The following DSCAML1 variants were observed in gnomAD, a reference collection of about 807,000 sequenced individuals.
The protein encoded by DSCAML1 is DS cell adhesion molecule like 1.
Under a neutral mutation model 200.5 loss-of-function variants are expected in DSCAML1, and 38 were observed. That is an observed-to-expected ratio of 0.19 (90% CI 0.15 to 0.25). The LOEUF (loss-of-function observed/expected upper bound fraction) is 0.25, where lower values mean the gene tolerates loss of function less well. Ranked by LOEUF, DSCAML1 falls within the 10% of genes least tolerant of loss-of-function variation. The pLI is 1.00. For synonymous variants in DSCAML1, 1,215 were observed against 1,165.0 expected (o/e 1.04, Z -0.87); for missense variants, 2,223 against 2,858.8 (o/e 0.78, Z 5.07).
chr11:117,506,334 C>T (rs2049496804), intron 8 of DSCAML1, among the ~76,000 whole-genome samples: 1 of 152,114 alleles, frequency 6.6e-6, no homozygotes, highest in African/African-American at 2.4e-5. Flanking sequence ...ATGATCTCAC[C>T]AGATCCTCCT....
intron 20 of DSCAML1, 151 bp downstream of exon 20, chr11:117,450,398 C>A: frequency 9.0e-7 from 1 of 1,112,550 alleles, no homozygotes; most frequent in Non-Finnish European, 1.3e-6. Flanking sequence ...GCTTCGGCCA[C>A]TCTGGGTGGC....
chr11:117,694,095 T>TA (rs1291376522), intron 3 of DSCAML1, among the ~76,000 whole-genome samples: 30 of 110,346 alleles, frequency 2.7e-4, no homozygotes, highest in East Asian at 7.5e-4. Flanking sequence ...ATATATATAT[T>TA]TTTTAAATTG....
chr11:117,530,367 C>T (rs1201085552), intron 4 of DSCAML1, among the ~76,000 whole-genome samples: 1 of 152,080 alleles, frequency 6.6e-6, no homozygotes, highest in Non-Finnish European at 1.5e-5. Flanking sequence ...TGTGTCTTTC[C>T]CACATTGCAG....
chr11:117,435,687 G>T lies in DSCAML1; in HGVS notation c.4833C>A (p.Ile1611=). ...LATLGVALLF[I]VRKKRKEKRL... ...GTTTCTCCTTCCTCTTCTTGCGTAC[G>T]ATGAAGAGCAGTGCCACCCCCAGTG... The change falls in exon 27 of 33, where the codon ATC becomes ATA. Residue 1611 remains isoleucine, a synonymous_variant. Transcript: ENST00000651296. 2 of 1,609,562 alleles carry T rather than the reference G, an allele frequency of 1.2e-6. No individual in the cohort carries two copies. Among genetic ancestry groups the T allele is most frequent in the Non-Finnish European group, 1.7e-6 (2 of 1,176,338 alleles).
intron 11 of DSCAML1, among the ~76,000 whole-genome samples, chr11:117,484,229 G>A (rs961310789): frequency 6.6e-6 from 1 of 152,130 alleles, no homozygotes; most frequent in Non-Finnish European, 1.5e-5. Flanking sequence ...AAGAAATGAG[G>A]GGAGCCACAG....
intron 3 of DSCAML1, among the ~76,000 whole-genome samples, chr11:117,754,479 G>T (rs2054653223): frequency 6.6e-6 from 1 of 152,088 alleles, no homozygotes. Context: ...AGGGTGCAGT[G>T]GGGAAGCACA....
At chr11:117,639,424 A>ATGGGAAGCTGGATGGG (rs2052356646) in intron 3 of DSCAML1, among the ~76,000 whole-genome samples, 1 of 95,296 alleles carries the variant, frequency 1.0e-5, no homozygotes, top group East Asian at 3.3e-4. Flanking sequence ...GGCTGAATGG[A>ATGGGAAGCTGGATGGG]TGGGAAGCTG....
intron 3 of DSCAML1, among the ~76,000 whole-genome samples, chr11:117,578,896 C>T (rs73588613): frequency 0.015 from 2,285 of 152,250 alleles, 50 homozygotes; most frequent in African/African-American, 0.052. Flanking sequence ...GCACAGAAAA[C>T]TTAGCCTTAC....
At chr11:117,571,290 T>G (rs2050844193) in intron 3 of DSCAML1, among the ~76,000 whole-genome samples, 1 of 152,194 alleles carries the variant, frequency 6.6e-6, no homozygotes, top group Non-Finnish European at 1.5e-5. Flanking sequence ...TTGCTACAAT[T>G]TACTGAGCAG....
rs567658148 is a variant in DSCAML1, at chr11:117,814,109, C to T, written c.-250+3281G>A. Among the ~76,000 whole-genome samples the T allele has an allele frequency of 1.1e-4, 16 of 151,960 alleles. No homozygotes were observed. In the South Asian group the frequency reaches 2.7e-3, roughly 26 times the overall value. ...TTCCTTCTCCTGGCTCAGAAGCTCC[C>T]CCACTGAGCACCTTGTGACCCCCCT... is the stretch of plus-strand genomic sequence containing the variant. On this transcript the variant is annotated intron_variant, in intron 1 of 2. Coordinates refer to the DSCAML1 transcript ENST00000525836.
chr11:117,732,694 G>T (rs1023311434), intron 3 of DSCAML1, among the ~76,000 whole-genome samples: 1 of 152,094 alleles, frequency 6.6e-6, no homozygotes, highest in Non-Finnish European at 1.5e-5. Context: ...GGGATAGCTG[G>T]GCCTGCTCTT....
chr11:117,613,745 C>T (rs954511506), intron 3 of DSCAML1, among the ~76,000 whole-genome samples: 4 of 152,196 alleles, frequency 2.6e-5, no homozygotes, highest in African/African-American at 9.7e-5. Flanking sequence ...ATATAACTGG[C>T]CCCAGGGGGT....
At chr11:117,730,980 G>T (rs1173127444) in intron 3 of DSCAML1, among the ~76,000 whole-genome samples, 2 of 152,182 alleles carry the variant, frequency 1.3e-5, no homozygotes, top group Admixed American at 1.3e-4. Context: ...ATTAGTGTTT[G>T]CCTCGGTCAG....
At chr11:117,502,357 C>G (rs565335705) in intron 11 of DSCAML1, among the ~76,000 whole-genome samples, 2 of 152,226 alleles carry the variant, frequency 1.3e-5, no homozygotes, top group Admixed American at 1.3e-4. Context: ...AAAGCATCTA[C>G]GAGTTTGGGA....
chr11:117,431,478 GA>G, intron 31 of DSCAML1, 55 bp downstream of exon 31: 1 of 1,448,530 alleles, frequency 6.9e-7, no homozygotes, highest in Non-Finnish European at 9.3e-7. Context: ...AGGTGAAGGT[GA>G]ATGATGGGGA....
chr11:117,494,905 G>A (rs1398975841), intron 11 of DSCAML1, among the ~76,000 whole-genome samples: 1 of 152,168 alleles, frequency 6.6e-6, no homozygotes, highest in Non-Finnish European at 1.5e-5. Flanking sequence ...AGGCAAAGAA[G>A]CCTTCTTGCC....
At chr11:117,441,742 C>T (rs1434729677) in intron 21 of DSCAML1, among the ~76,000 whole-genome samples, 2 of 151,872 alleles carry the variant, frequency 1.3e-5, no homozygotes, top group African/African-American at 4.8e-5. Flanking sequence ...CTGTGCTGGT[C>T]GTGCCAGGTG....
chr11:117,462,113 G>A (rs1420611621), intron 17 of DSCAML1, among the ~76,000 whole-genome samples: 1 of 152,222 alleles, frequency 6.6e-6, no homozygotes, highest in Non-Finnish European at 1.5e-5. Flanking sequence ...AAGCTAAAGG[G>A]AAGGCAAAGA....
intron 3 of DSCAML1, among the ~76,000 whole-genome samples, chr11:117,652,546 C>A (rs1226390013): frequency 6.6e-6 from 1 of 152,222 alleles, no homozygotes; most frequent in African/African-American, 2.4e-5. Context: ...ATACTCACAC[C>A]TGAGGCAGCC....
Sources: allele counts gnomAD v4.1 joint callset (sites outside exome capture counted in the v4.1 genomes callset), GRCh38; gene constraint gnomAD v4.1.1; transcripts MANE v1.5; gene names NCBI Gene and HGNC (gene_info 2026-07-23, HGNC 2026-07-21).